A4GALT: variants seen among roughly 807,000 people sequenced by gnomAD.
A4GALT encodes the protein alpha 1,4-galactosyltransferase (P1PK blood group).
For missense variants in A4GALT, 512 were observed against 486.0 expected (o/e 1.05, Z -0.50); for synonymous variants, 257 against 220.7 (o/e 1.16, Z -1.46).
chr22:42,713,525 G>A (rs1335921684), intron 1 of A4GALT, among the ~76,000 whole-genome samples: 2 of 152,120 alleles, frequency 1.3e-5, no homozygotes, highest in Non-Finnish European at 2.9e-5. Flanking sequence ...AACACATTAG[G>A]TGCTGGCCGG....
intron 1 of A4GALT, among the ~76,000 whole-genome samples, chr22:42,718,775 G>C (rs1922427531): frequency 6.6e-6 from 1 of 152,190 alleles, no homozygotes; most frequent in Non-Finnish European, 1.5e-5. Flanking sequence ...AATCTGGAGG[G>C]AAGCATGCGG....
At chr22:42,703,253 G>GTTTTT (rs1224692766) in intron 1 of A4GALT, among the ~76,000 whole-genome samples, 1 of 110,286 alleles carries the variant, frequency 9.1e-6, no homozygotes, top group African/African-American at 4.0e-5. Context: ...TTGTTTGTTT[G>GTTTTT]TTTTTGTTTT....
At chr22:42,698,079 T>C (rs3761467) in intron 1 of A4GALT, among the ~76,000 whole-genome samples, 18,221 of 151,962 alleles carry the variant, frequency 0.12, 1,723 homozygotes, top group East Asian at 0.56. Flanking sequence ...TGAAACCCCA[T>C]CTCTACTGAA....
In A4GALT at chr22:42,695,514, G is replaced by A. The variant is rs1743977156; in HGVS notation, c.-70C>T. The A allele has an allele frequency of 6.6e-6, 1 of 152,074 alleles. No homozygotes were observed. Among genetic ancestry groups the A allele is most frequent in the Admixed American group, 6.6e-5 (1 of 15,266 alleles). The allele number at this position is 152,074 out of a possible 1,614,324, so 9.4% of individuals were successfully genotyped here. ...ACCAGCCTGGGCAGCCCATTGCAGA[G>A]AGGTGGGGATCCTGGCAGCCCACAG... is the stretch of plus-strand genomic sequence containing the variant. On this transcript the variant is annotated 5_prime_UTR_variant, in exon 2 of 3. Coordinates refer to ENST00000642412, the MANE Select transcript of A4GALT (RefSeq NM_017436.7).
chr22:42,692,557 G>A lies in A4GALT; in HGVS notation c.*333C>T, dbSNP rs937554664. 3.6e-5 allele frequency: 17 copies of A among 470,580 alleles called. No individual in the cohort carries two copies. The highest frequency in any genetic ancestry group is 1.7e-4 in the African/African-American group (9 of 51,478). The allele number at this position is 470,580 out of a possible 1,614,324, so 29.2% of individuals were successfully genotyped here. ...CCCCTTAGCACCGGCCTCTGCCCTC[G>A]TGGGCACCTCTGTCCCAACTGCCTG... On this transcript the variant is annotated 3_prime_UTR_variant, in exon 3 of 3. Coordinates refer to ENST00000642412, the MANE Select transcript of A4GALT (RefSeq NM_017436.7). This position sits in a 1 kb window ranked among gnomAD's most constrained non-coding sequence, Gnocchi z 4.6.
chr22:42,703,085 GAGAGAGAGCATGCTGCCCCAC>G (rs1235395274), intron 1 of A4GALT, among the ~76,000 whole-genome samples: 2 of 132,028 alleles, frequency 1.5e-5, no homozygotes, highest in African/African-American at 7.7e-5. Context: ...GTGTGTGTGT[GAGAGAGAGCATGCTGCCCCAC>G]TGTGTGTGTG....
At position 42,692,906 on chromosome 22, in the gene A4GALT, A is replaced by G. The variant is rs1930553847; in HGVS notation, c.1046T>C (p.Met349Thr). The G allele has an allele frequency of 6.2e-7, 1 of 1,603,372 alleles. No individual in the cohort carries two copies. The highest frequency in any genetic ancestry group is 8.5e-7 in the Non-Finnish European group (1 of 1,179,728). Residue 349 changes from methionine to threonine, a missense_variant, in exon 3 of 3, where the codon ATG becomes ACG. Coordinates refer to ENST00000642412, the MANE Select transcript of A4GALT (RefSeq NM_017436.7). The surrounding 1 kb of genome is among the most constrained non-coding windows in gnomAD (Gnocchi z 4.6). Reference protein sequence around the residue: ...ARYCPTTHEAMKMYL With the variant: ...ARYCPTTHEATKMYL ...GCGGGCCCCTCACAAGTACATTTTC[A>G]TGGCCTCGTGCGTCGTGGGGCAGTA... is the stretch of plus-strand genomic sequence containing the variant.
Position 42,692,876 on chromosome 22 carries a change from A to T in A4GALT, c.*14T>A, listed in dbSNP as rs1175684614. The T allele has an allele frequency of 3.1e-6, 5 of 1,599,078 alleles. No homozygotes were observed. The Admixed American group carries it at 5.0e-5, about 16-fold the overall frequency. On this transcript the variant is annotated 3_prime_UTR_variant, in exon 3 of 3. Coordinates refer to ENST00000642412, the MANE Select transcript of A4GALT (RefSeq NM_017436.7). The surrounding 1 kb of genome is among the most constrained non-coding windows in gnomAD (Gnocchi z 4.6). The stretch of plus-strand genomic sequence containing the variant: ...CCATCAGGAGCAGGTTGGGGAGGTG[A>T]CCTGGCGGGCCCCTCACAAGTACAT...
intron 1 of A4GALT, among the ~76,000 whole-genome samples, chr22:42,701,471 A>T (rs1435189319): frequency 6.6e-6 from 1 of 152,182 alleles, no homozygotes; most frequent in Non-Finnish European, 1.5e-5. Context: ...GTGGCTTTGA[A>T]CATCACTAAC....
At chr22:42,720,724 C>T (rs1177977774) in intron 1 of A4GALT, 73 bp downstream of exon 1, 1 of 152,496 alleles carries the variant, frequency 6.6e-6, no homozygotes, top group East Asian at 1.9e-4. Context: ...CCCGAGGCGC[C>T]TCCTCCCCAC....
chr22:42,698,240 C>G lies in A4GALT; in HGVS notation c.-187-2609G>C, dbSNP rs552959903. Among the ~76,000 whole-genome samples the G allele has an allele frequency of 5.7e-5, 5 of 88,104 alleles. No individual in the cohort carries two copies. The East Asian group carries it at 2.0e-3, about 34-fold the overall frequency. 57.8% of individuals were successfully genotyped at this position (88,104 alleles called of 152,430 possible). ...TCTAGCCTGGCAATAGAGCGAGACT[C>G]CGTCTCAAAAAAAAAAAAAAAAAAT... On this transcript the variant is annotated intron_variant, in intron 1 of 2. Coordinates refer to ENST00000642412, the MANE Select transcript of A4GALT (RefSeq NM_017436.7).
intron 1 of A4GALT, among the ~76,000 whole-genome samples, chr22:42,713,234 G>A (rs1337252527): frequency 2.6e-5 from 4 of 152,072 alleles, no homozygotes; most frequent in Non-Finnish European, 4.4e-5. Context: ...CATGCCACCC[G>A]CCCCCTTGGG....
In A4GALT at chr22:42,701,735, G is replaced by A. The variant is rs1417083850; in HGVS notation, c.-187-6104C>T. ...CACATTCCCCTGGCCGCAGTGGTCC[G>A]GCTGAGGCACACAGAACCTAGTCAG... On this transcript the variant is annotated intron_variant, in intron 1 of 2. Transcript: ENST00000642412. Among the ~76,000 whole-genome samples, 5 of 152,288 alleles carry A rather than the reference G, an allele frequency of 3.3e-5. No homozygotes were observed. In the East Asian group the frequency reaches 5.8e-4, roughly 18 times the overall value.
chr22:42,714,445 T>C (rs537381767), intron 1 of A4GALT, among the ~76,000 whole-genome samples: 3 of 151,620 alleles, frequency 2.0e-5, no homozygotes, highest in Non-Finnish European at 2.9e-5. Flanking sequence ...AAAATTAGCA[T>C]GTGCCTGTAG....
chr22:42,713,662 AT>A (rs1180265476), intron 1 of A4GALT, among the ~76,000 whole-genome samples: 2 of 151,994 alleles, frequency 1.3e-5, no homozygotes, highest in African/African-American at 4.8e-5. Context: ...AAATACAAAA[AT>A]TAGCCAGGCA....
intron 1 of A4GALT, chr22:42,718,160 T>TA (rs1922356616): frequency 6.6e-6 from 1 of 152,206 alleles, no homozygotes; most frequent in Non-Finnish European, 1.5e-5. Context: ...TTGAAAAATA[T>TA]AAAAAATGTC....
chr22:42,699,107 T>A (rs8138577), intron 1 of A4GALT, among the ~76,000 whole-genome samples: 21,616 of 146,236 alleles, frequency 0.15, 1,884 homozygotes, highest in African/African-American at 0.26. Context: ...TTTTTTTTTA[T>A]GAGTCTTGCT....
intron 1 of A4GALT, among the ~76,000 whole-genome samples, chr22:42,703,101 C>T: frequency 1.7e-5 from 1 of 59,122 alleles, no homozygotes; most frequent in South Asian, 5.7e-4. Context: ...GAGCATGCTG[C>T]CCCACTGTGT....
intron 1 of A4GALT, among the ~76,000 whole-genome samples, chr22:42,703,077 GTGTGTGTGAGAGAGAGCATGCTGCCCCAC>G: frequency 1.4e-5 from 2 of 147,382 alleles, no homozygotes; most frequent in African/African-American, 5.3e-5. Flanking sequence ...GTGTGTGTGT[GTGTGTGTGAGAGAGAGCATGCTGCCCCAC>G]TGTGTGTGTG....
Sources: gnomAD v4.1 joint callset for allele counts (sites outside exome capture counted in the v4.1 genomes callset) on GRCh38, gnomAD v4.1.1 for gene constraint, Gnocchi (gnomAD v3.1) non-coding constraint, MANE v1.5 for transcripts, NCBI Gene and HGNC (gene_info 2026-07-23, HGNC 2026-07-21) for gene names.